The following SNX16 variants were observed in gnomAD, a reference collection of about 807,000 sequenced individuals.
SNX16 encodes sorting nexin 16, also known as sorting nexin-16.
A neutral mutation model predicts 36.7 loss-of-function variants in SNX16; 35 were observed. The ratio of observed to expected loss-of-function variants is 0.95; its 90% CI spans 0.73 to 1.27. SNX16 has a LOEUF of 1.27. Ranked by LOEUF, SNX16 falls within the 50% of genes most tolerant of loss-of-function variation. The pLI is 0.00. For missense variants in SNX16, 367 were observed against 393.6 expected (o/e 0.93, Z 0.57); for synonymous variants, 134 against 132.0 (o/e 1.02, Z -0.10).
chr8:81,828,760 C>CA (rs1811118426), intron 3 of SNX16, among the ~76,000 whole-genome samples: 1 of 152,150 alleles, frequency 6.6e-6, no homozygotes, highest in Non-Finnish European at 1.5e-5. Context: ...CAAAGAGCTT[C>CA]AAAGTACAGG....
rs542125411 is a variant in SNX16 at position 81,805,663 on chromosome 8, T to C, written c.682-2435A>G. On this transcript the variant is annotated intron_variant, in intron 5 of 7. Transcript: ENST00000345957. Reference sequence around the variant, plus strand: ...ACAGTTTTGCGGTGGCTCACGCCTATAATCCCAGCACTTTGGGAGGCTGAG... The same window carrying C: ...ACAGTTTTGCGGTGGCTCACGCCTACAATCCCAGCACTTTGGGAGGCTGAG... 1.1e-4 allele frequency among the ~76,000 whole-genome samples: 17 copies of C among 152,332 alleles called. 1 individual carries two copies. Among genetic ancestry groups the C allele is most frequent in the African/African-American group, 3.4e-4 (14 of 41,582 alleles).
intron 5 of SNX16, among the ~76,000 whole-genome samples, chr8:81,803,792 A>C (rs1212097720): frequency 6.6e-6 from 1 of 151,840 alleles, no homozygotes; most frequent in Admixed American, 6.6e-5. Flanking sequence ...GACCCTAAAG[A>C]GCCTATTAAT....
At chr8:81,830,308 AC>A (rs1201369414) in intron 2 of SNX16, among the ~76,000 whole-genome samples, 4 of 152,050 alleles carry the variant, frequency 2.6e-5, no homozygotes, top group African/African-American at 9.7e-5. Flanking sequence ...GGTGGCTCAC[AC>A]CTGTAATCCC....
intron 5 of SNX16, among the ~76,000 whole-genome samples, chr8:81,813,298 A>G (rs1361372532): frequency 6.6e-6 from 1 of 152,002 alleles, no homozygotes; most frequent in Non-Finnish European, 1.5e-5. Context: ...TAGAATTAAG[A>G]GTCCAGAAAC....
chr8:81,836,184 A>C (rs1296497254), intron 2 of SNX16, among the ~76,000 whole-genome samples: 8 of 152,170 alleles, frequency 5.3e-5, no homozygotes, highest in Non-Finnish European at 1.5e-5. Context: ...CATCCTAGTC[A>C]ATTTTTGTCT....
intron 5 of SNX16, among the ~76,000 whole-genome samples, chr8:81,807,261 G>A (rs1406264240): frequency 2.0e-5 from 3 of 151,980 alleles, no homozygotes; most frequent in Admixed American, 1.3e-4. Context: ...GCTCATGCCT[G>A]TAATCCCAGC....
intron 2 of SNX16, among the ~76,000 whole-genome samples, chr8:81,838,975 A>C (rs1334235917): frequency 6.6e-6 from 1 of 152,170 alleles, no homozygotes; most frequent in East Asian, 1.9e-4. Context: ...AGAATATCCA[A>C]ACAGCCCAAA....
At chr8:81,803,405 T>C (rs1177316670) in intron 5 of SNX16, among the ~76,000 whole-genome samples, 177 bp from the exon 6 acceptor site, 2 of 151,994 alleles carry the variant, frequency 1.3e-5, no homozygotes, top group Non-Finnish European at 2.9e-5. Context: ...GTCACTGGTA[T>C]CTTAACTTTA....
chr8:81,816,556 T>C (rs1484335756), intron 4 of SNX16, among the ~76,000 whole-genome samples: 2 of 151,902 alleles, frequency 1.3e-5, no homozygotes, highest in Non-Finnish European at 2.9e-5. Flanking sequence ...GAATGGGGCT[T>C]TTGGTTTCAG....
Position 81,807,750 on chromosome 8 carries a change from A to C in SNX16, c.682-4522T>G, listed in dbSNP as rs180816277. On this transcript the variant is annotated intron_variant, in intron 5 of 7. Coordinates refer to ENST00000345957, the MANE Select transcript of SNX16 (RefSeq NM_152836.3). Reference sequence around the variant, plus strand: ...GATGCCGCCGAAGAAGCATTGTTAAAGTCTCTCTTCTCCCTGCTGTCATGT... The same window carrying C: ...GATGCCGCCGAAGAAGCATTGTTAACGTCTCTCTTCTCCCTGCTGTCATGT... 3 of 663,580 alleles carry C rather than the reference A, an allele frequency of 4.5e-6. No individual in the cohort carries two copies. In the Admixed American group the frequency reaches 6.7e-5, roughly 15 times the overall value. The allele number at this position is 663,580 out of a possible 1,614,324, so 41.1% of individuals were successfully genotyped here.
intron 4 of SNX16, among the ~76,000 whole-genome samples, chr8:81,822,312 G>A (rs932902356): frequency 3.1e-4 from 47 of 152,230 alleles, no homozygotes; most frequent in African/African-American, 7.9e-4. Flanking sequence ...TAGCATATTT[G>A]AAGGCTCTGA....
At chr8:81,816,710 G>T (rs1254391668) in intron 4 of SNX16, among the ~76,000 whole-genome samples, 1 of 152,020 alleles carries the variant, frequency 6.6e-6, no homozygotes, top group Admixed American at 6.6e-5. Context: ...ATAAGTATTG[G>T]ATCTTCATTC....
intron 2 of SNX16, among the ~76,000 whole-genome samples, chr8:81,838,047 A>C (rs1435869807): frequency 6.6e-6 from 1 of 152,226 alleles, no homozygotes; most frequent in African/African-American, 2.4e-5. Context: ...TTAATAAGAG[A>C]GTTGAGCAAG....
chr8:81,829,516 C>CAGTAAATTTAGCT lies in SNX16; in HGVS notation c.376-1_376insAGCTAAATTTACT (p.Val126SerfsTer2). 2 of 1,317,170 alleles carry CAGTAAATTTAGCT rather than the reference C, an allele frequency of 1.5e-6. No homozygotes were observed. Among genetic ancestry groups the CAGTAAATTTAGCT allele is most frequent in the Non-Finnish European group, 2.0e-6 (2 of 996,458 alleles). The allele number at this position is 1,317,170 out of a possible 1,614,324, so 81.6% of individuals were successfully genotyped here. Reference sequence around the variant, plus strand: ...GTTTTCTTTACTAGTATTTTATATACCTATGCACAGGAAGAAAAACAGACG... The same window carrying CAGTAAATTTAGCT: ...GTTTTCTTTACTAGTATTTTATATACAGTAAATTTAGCTCTATGCACAGGAAGAAAAACAGACG... On this transcript the variant is annotated stop_gained and frameshift_variant and splice_region_variant. Transcript: ENST00000345957. LOFTEE classifies it high-confidence loss of function.
At chr8:81,808,439 G>A in intron 5 of SNX16, 1 of 1,095,346 alleles carries the variant, frequency 9.1e-7, no homozygotes, top group Admixed American at 1.7e-5. Context: ...GAAACTTCAG[G>A]GGTCATGGTG....
At chr8:81,808,165 G>A in intron 5 of SNX16, 1 of 1,311,114 alleles carries the variant, frequency 7.6e-7, no homozygotes, top group Non-Finnish European at 1.1e-6. Flanking sequence ...TGGAAAAATG[G>A]AAGTGATTGA....
chr8:81,822,947 CATATATATATAT>C (rs949455303), intron 4 of SNX16, among the ~76,000 whole-genome samples: 3 of 52,316 alleles, frequency 5.7e-5, no homozygotes, highest in African/African-American at 1.2e-4. Context: ...TATACATATA[CATATATATATAT>C]ATATATATAT....
At chr8:81,841,697 C>T (rs1202757419) in intron 1 of SNX16, 1 of 152,258 alleles carries the variant, frequency 6.6e-6, no homozygotes, top group Non-Finnish European at 1.5e-5. Context: ...TTCGCCTCTA[C>T]CCTGATGCGG....
chr8:81,823,828 AG>A lies in SNX16; in HGVS notation c.574del (p.Leu192PhefsTer4). On this transcript the variant is annotated frameshift_variant, in exon 4 of 8. Coordinates refer to ENST00000345957, the MANE Select transcript of SNX16 (RefSeq NM_152836.3). LOFTEE classifies it high-confidence loss of function. ...EDRQLGLQAF[L>X]QNLVAHKDIA... is the part of the protein sequence containing the mutation. The stretch of plus-strand genomic sequence containing the variant: ...GTCCTTGTGAGCTACTAAATTTTGA[AG>A]AAACGCTTGTAATCCTAATTGTCTG... 6.2e-7 allele frequency: 1 copy of A among 1,611,038 alleles called. No individual in the cohort carries two copies. The highest frequency in any genetic ancestry group is 8.5e-7 in the Non-Finnish European group (1 of 1,178,708).
Sources: gnomAD v4.1 joint callset for allele counts (sites outside exome capture counted in the v4.1 genomes callset) on GRCh38, gnomAD v4.1.1 for gene constraint, MANE v1.5 for transcripts, NCBI Gene and HGNC (gene_info 2026-07-23, HGNC 2026-07-21) for gene names.